Variants in OCA2 observed in about 807,000 individuals in gnomAD.
OCA2 encodes OCA2 melanosomal transmembrane protein.
In OCA2, 77 loss-of-function variants were observed where a neutral mutation model predicts 100.2. The ratio of observed to expected loss-of-function variants is 0.77; its 90% confidence interval spans 0.64 to 0.93. The LOEUF is 0.93. Among genes scored for constraint, OCA2 ranks in the 40% least tolerant of loss-of-function variants. The probability of loss-of-function intolerance (pLI) is 0.00; values close to 1 mark genes in which losing one functional copy is unlikely to be tolerated. For synonymous variants in OCA2, 432 were observed against 439.2 expected, an observed-to-expected ratio of 0.98 and a Z score of 0.21; for missense variants, 1,062 against 1,089.1, an observed-to-expected ratio of 0.98 and a Z score of 0.35.
intron 19 of OCA2, among the ~76,000 whole-genome samples, chr15:27,913,137 GA>G (rs544144376): frequency 1.3e-5 from 2 of 152,188 alleles, no homozygotes; most frequent in East Asian, 1.9e-4. Context: ...ATATTGGACA[GA>G]AAAAAAGTCA....
intron 21 of OCA2, among the ~76,000 whole-genome samples, chr15:27,861,937 G>T (rs2036147562): frequency 6.6e-6 from 1 of 152,164 alleles, no homozygotes; most frequent in South Asian, 2.1e-4. Context: ...GTCTTCGTTG[G>T]GAGCCAGACA....
At chr15:27,860,834 T>C (rs1258060005) in intron 21 of OCA2, among the ~76,000 whole-genome samples, 1 of 152,138 alleles carries the variant, frequency 6.6e-6, no homozygotes, top group Non-Finnish European at 1.5e-5. Flanking sequence ...GATTGCTAGG[T>C]TGAAATCCAA....
intron 1 of OCA2, among the ~76,000 whole-genome samples, chr15:28,090,624 C>A (rs2044854556): frequency 6.6e-6 from 1 of 152,100 alleles, no homozygotes; most frequent in Non-Finnish European, 1.5e-5. Flanking sequence ...CAAGGGAAAT[C>A]AGAATTATAT....
intron 14 of OCA2, among the ~76,000 whole-genome samples, chr15:27,970,212 G>A (rs1294334341): frequency 2.0e-5 from 3 of 152,034 alleles, no homozygotes. Context: ...GCTAGCCAGT[G>A]CTGATCTGAG....
chr15:27,873,309 C>T (rs2036659778), intron 19 of OCA2, among the ~76,000 whole-genome samples: 1 of 152,236 alleles, frequency 6.6e-6, no homozygotes, highest in Non-Finnish European at 1.5e-5. Flanking sequence ...CCAAAGATGT[C>T]TCCAGACACA....
At position 27,983,334 on chromosome 15, in the gene OCA2, C is replaced by T. The variant is rs759513183; in HGVS notation, c.1503+11G>A. The T allele has an allele frequency of 6.2e-7, 1 of 1,614,124 alleles. No individual in the cohort carries two copies. Among genetic ancestry groups the T allele is most frequent in the Non-Finnish European group, 8.5e-7 (1 of 1,180,008 alleles). ...GTTTACTGGAAGCAACCCTAGCATG[C>T]TGGTACGTACCATCTTCCTCAGCTC... On this transcript the variant is annotated intron_variant, in intron 14 of 23. Transcript: ENST00000354638.
chr15:27,966,660 G>T, intron 15 of OCA2, 30 bp downstream of exon 15: 1 of 1,611,948 alleles, frequency 6.2e-7, no homozygotes, highest in South Asian at 1.1e-5. Flanking sequence ...CATGAAATCT[G>T]AGCCTACATG....
At chr15:27,760,052 T>G (rs988797972) in intron 23 of OCA2, among the ~76,000 whole-genome samples, 2 of 152,250 alleles carry the variant, frequency 1.3e-5, no homozygotes, top group African/African-American at 4.8e-5. Flanking sequence ...TCAAATTTGA[T>G]TTGATTTGAT....
chr15:27,783,806 C>A (rs1220647784), intron 23 of OCA2, among the ~76,000 whole-genome samples: 1 of 152,338 alleles, frequency 6.6e-6, no homozygotes, highest in East Asian at 1.9e-4. Flanking sequence ...GTGGCTCAGG[C>A]CTGGCAAGGG....
chr15:27,748,120 G>C, the OCA2 span, among the ~76,000 whole-genome samples: 1 of 152,202 alleles, frequency 6.6e-6, no homozygotes. Flanking sequence ...TACCAGGTCA[G>C]CCCAGAAGAA....
At chr15:27,775,063 CGTGTG>C (rs1299955288) in intron 23 of OCA2, among the ~76,000 whole-genome samples, 57 of 143,034 alleles carry the variant, frequency 4.0e-4, no homozygotes, top group Non-Finnish European at 6.6e-4. Context: ...TTTTAGAACT[CGTGTG>C]TGTGTGTGTG....
At chr15:27,725,950 G>C in the OCA2 span, among the ~76,000 whole-genome samples, 39 of 152,102 alleles carry the variant, frequency 2.6e-4, no homozygotes, top group African/African-American at 9.2e-4. Context: ...CCTCTCTAGA[G>C]CTGGCGTCTG....
rs188514559 is a variant in OCA2 at position 27,766,130 on chromosome 15, T to C, written c.2433-10658A>G. Among the ~76,000 whole-genome samples, 423 of 152,296 alleles carry C rather than the reference T, an allele frequency of 2.8e-3. 2 individuals carry two copies. The highest frequency in any genetic ancestry group is 3.7e-3 in the Non-Finnish European group (253 of 68,014). The stretch of plus-strand genomic sequence containing the variant: ...AAGGAAGTCCAGACCAATAAATATG[T>C]TGTGTAGTCTTAAATGTTCAACTAT... On this transcript the variant is annotated intron_variant, in intron 23 of 23. Coordinates refer to ENST00000354638, the MANE Select transcript of OCA2 (RefSeq NM_000275.3).
intron 6 of OCA2, among the ~76,000 whole-genome samples, chr15:28,019,870 C>A (rs1213918928): frequency 2.6e-5 from 4 of 152,138 alleles, no homozygotes; most frequent in Admixed American, 2.0e-4. Context: ...GCAGCTTTCA[C>A]AAAGCTCAGC....
intron 19 of OCA2, among the ~76,000 whole-genome samples, 197 bp downstream of exon 19, chr15:27,925,930 C>A (rs559312737): frequency 6.6e-6 from 1 of 152,052 alleles, no homozygotes; most frequent in African/African-American, 2.4e-5. Flanking sequence ...AAAACAAATA[C>A]GCAGTGCTGT....
intron 11 of OCA2, among the ~76,000 whole-genome samples, chr15:27,987,600 G>A (rs1447001049): frequency 2.6e-5 from 4 of 151,552 alleles, no homozygotes; most frequent in African/African-American, 9.7e-5. Context: ...GGGGTGGCGG[G>A]CGCCTGTAGT....
At chr15:27,962,273 CAT>C (rs1338195686) in intron 15 of OCA2, among the ~76,000 whole-genome samples, 2 of 152,182 alleles carry the variant, frequency 1.3e-5, no homozygotes, top group African/African-American at 4.8e-5. Context: ...CTGATTCTGC[CAT>C]ATAAGTTTCA....
chr15:27,988,532 C>T (rs901910751), intron 11 of OCA2, among the ~76,000 whole-genome samples: 2 of 152,128 alleles, frequency 1.3e-5, no homozygotes, highest in Non-Finnish European at 2.9e-5. Context: ...AAGGTGCCAT[C>T]TACAAGCCCA....
At chr15:27,726,307 AT>A in the OCA2 span, among the ~76,000 whole-genome samples, 3 of 120,252 alleles carry the variant, frequency 2.5e-5, no homozygotes, top group African/African-American at 2.1e-4. Flanking sequence ...CAAAAAATAA[AT>A]AAATAAATAA....
Sources: allele counts gnomAD v4.1 joint callset (sites outside exome capture counted in the v4.1 genomes callset), GRCh38; gene constraint gnomAD v4.1.1; transcripts MANE v1.5; gene names NCBI Gene and HGNC (gene_info 2026-07-23, HGNC 2026-07-21).